Variants in ITGA1 observed in about 807,000 individuals in gnomAD.
ITGA1 encodes integrin alpha-1.
Under a neutral mutation model 145.9 loss-of-function variants are expected in ITGA1, and 85 were observed. The ratio of observed to expected loss-of-function variants is 0.58; its 90% CI spans 0.49 to 0.70. The LOEUF is 0.70. ITGA1 is among the 30% of genes least tolerant of loss of function. The pLI, the probability that ITGA1 is intolerant of heterozygous loss-of-function variation, is 0.00. For synonymous variants in ITGA1, 520 were observed against 495.3 expected, an observed-to-expected ratio of 1.05 and a Z score of -0.66; for missense variants, 1,351 against 1,418.7, an observed-to-expected ratio of 0.95 and a Z score of 0.77.
intron 7 of ITGA1, among the ~76,000 whole-genome samples, chr5:52,884,998 G>A (rs1447173663): frequency 6.6e-6 from 1 of 152,044 alleles, no homozygotes; most frequent in East Asian, 1.9e-4. Context: ...CCCTTACTTG[G>A]GTTTGATTAT....
intron 23 of ITGA1, among the ~76,000 whole-genome samples, chr5:52,934,344 C>A (rs961050252): frequency 6.6e-6 from 1 of 151,346 alleles, no homozygotes; most frequent in East Asian, 1.9e-4. Flanking sequence ...ACCGATAAAC[C>A]TGTAGACTTT....
At chr5:52,878,684 A>G (rs1749906644) in intron 6 of ITGA1, among the ~76,000 whole-genome samples, 1 of 152,180 alleles carries the variant, frequency 6.6e-6, no homozygotes, top group Non-Finnish European at 1.5e-5. Context: ...TGGACTCATT[A>G]GTAAAAAATA....
chr5:52,795,989 T>C (rs1748334062), intron 1 of ITGA1, among the ~76,000 whole-genome samples: 1 of 151,966 alleles, frequency 6.6e-6, no homozygotes, highest in South Asian at 2.1e-4. Flanking sequence ...AAATGGGTCT[T>C]AGAAAAATCA....
intron 6 of ITGA1, among the ~76,000 whole-genome samples, chr5:52,872,767 G>A (rs1749798103): frequency 6.6e-6 from 1 of 151,884 alleles, no homozygotes; most frequent in Non-Finnish European, 1.5e-5. Flanking sequence ...CTTTTCCTGT[G>A]ATTCCCTGCT....
chr5:52,894,264 T>C (rs1000141363), intron 9 of ITGA1, among the ~76,000 whole-genome samples: 2 of 152,194 alleles, frequency 1.3e-5, no homozygotes, highest in African/African-American at 4.8e-5. Context: ...CAATAACTTC[T>C]TTGTTCACTT....
At chr5:52,875,547 A>T (rs1030016911) in intron 6 of ITGA1, among the ~76,000 whole-genome samples, 1 of 152,124 alleles carries the variant, frequency 6.6e-6, no homozygotes, top group African/African-American at 2.4e-5. Flanking sequence ...CCAGGAGGTA[A>T]ATGTATCCTT....
intron 11 of ITGA1, among the ~76,000 whole-genome samples, chr5:52,898,967 T>C (rs1750273772): frequency 2.0e-5 from 3 of 152,120 alleles, no homozygotes; most frequent in Admixed American, 2.0e-4. Flanking sequence ...TGGTACCACT[T>C]TATTTGGGAT....
At chr5:52,867,512 TAC>T (rs970956135) in intron 6 of ITGA1, among the ~76,000 whole-genome samples, 13 of 152,280 alleles carry the variant, frequency 8.5e-5, no homozygotes, top group Middle Eastern at 3.4e-3. Flanking sequence ...CCCGTCTTGC[TAC>T]AGGGTACAGG....
At chr5:52,908,199 C>G (rs1750440891) in intron 12 of ITGA1, among the ~76,000 whole-genome samples, 1 of 152,048 alleles carries the variant, frequency 6.6e-6, no homozygotes, top group South Asian at 2.1e-4. Flanking sequence ...ATTGCAGAAG[C>G]CAGTACAGGG....
At chr5:52,912,278 C>A (rs1016196459) in intron 14 of ITGA1, among the ~76,000 whole-genome samples, 43 of 140,000 alleles carry the variant, frequency 3.1e-4, no homozygotes, top group African/African-American at 1.0e-3. Context: ...CTACTATATA[C>A]TATATATATT....
intron 13 of ITGA1, 91 bp from the exon 14 acceptor site, chr5:52,910,061 ACAAATGGCTG>A: frequency 1.7e-6 from 2 of 1,146,244 alleles, no homozygotes; most frequent in Non-Finnish European, 2.5e-6. Flanking sequence ...CCACTAATGT[ACAAATGGCTG>A]TTAATAGCAC....
intron 1 of ITGA1, among the ~76,000 whole-genome samples, chr5:52,809,111 A>T (rs1748643977): frequency 6.6e-6 from 1 of 152,104 alleles, no homozygotes; most frequent in Non-Finnish European, 1.5e-5. Flanking sequence ...TCCTTGGAGG[A>T]GTATTTATAT....
At chr5:52,832,133 T>G (rs1365818985) in intron 1 of ITGA1, among the ~76,000 whole-genome samples, 1 of 152,208 alleles carries the variant, frequency 6.6e-6, no homozygotes, top group Admixed American at 6.6e-5. Flanking sequence ...GGCCACACTA[T>G]AACCCTGCTT....
chr5:52,825,323 C>T (rs1027114415), intron 1 of ITGA1: 1 of 152,182 alleles, frequency 6.6e-6, no homozygotes, highest in African/African-American at 2.4e-5. Flanking sequence ...TATTGTGCTT[C>T]ATAGATACTG....
At chr5:52,945,524 A>C (rs371336306) in intron 27 of ITGA1, among the ~76,000 whole-genome samples, 3 of 152,246 alleles carry the variant, frequency 2.0e-5, no homozygotes, top group African/African-American at 7.2e-5. Flanking sequence ...TCCTAATACA[A>C]ATTCAGACTT....
At chr5:52,893,988 T>G in intron 9 of ITGA1, 148 bp downstream of exon 9, 1 of 584,832 alleles carries the variant, frequency 1.7e-6, no homozygotes, top group Non-Finnish European at 2.9e-6. Flanking sequence ...TGCTCTTTTA[T>G]ATAAATCTGC....
chr5:52,833,135 T>C (rs1261047871), intron 1 of ITGA1, among the ~76,000 whole-genome samples: 1 of 151,054 alleles, frequency 6.6e-6, no homozygotes, highest in East Asian at 1.9e-4. Flanking sequence ...GAGGCTGCAG[T>C]GAGCCAAGAT....
At chr5:52,871,236 A>G (rs553800167) in intron 6 of ITGA1, among the ~76,000 whole-genome samples, 2 of 152,266 alleles carry the variant, frequency 1.3e-5, no homozygotes, top group African/African-American at 2.4e-5. Flanking sequence ...TTTTTTCCCA[A>G]CCTACAAATA....
At chr5:52,892,352 C>T (rs1306725228) in intron 8 of ITGA1, among the ~76,000 whole-genome samples, 1 of 152,072 alleles carries the variant, frequency 6.6e-6, no homozygotes. Flanking sequence ...AGTATTGACA[C>T]GCATGCAAAG....
Sources: gnomAD v4.1 joint callset for allele counts (sites outside exome capture counted in the v4.1 genomes callset) on GRCh38, gnomAD v4.1.1 for gene constraint, MANE v1.5 for transcripts, NCBI Gene and HGNC (gene_info 2026-07-23, HGNC 2026-07-21) for gene names.